The following GPR158 variants were observed in gnomAD, a reference collection of about 807,000 sequenced individuals.
GPR158 encodes the protein metabotropic glycine receptor.
Under a neutral mutation model 78.2 loss-of-function variants are expected in GPR158, and 30 were observed. That is an observed-to-expected ratio of 0.38 (90% CI 0.29 to 0.52). The LOEUF (loss-of-function observed/expected upper bound fraction) is 0.52. GPR158 is among the 20% of genes least tolerant of loss of function. GPR158 has a pLI of 0.83. For synonymous variants in GPR158, 581 were observed against 591.1 expected (o/e 0.98, Z 0.25); for missense variants, 1,463 against 1,523.5 (o/e 0.96, Z 0.66).
intron 2 of GPR158, among the ~76,000 whole-genome samples, chr10:25,288,465 A>C (rs934801114): frequency 2.6e-5 from 4 of 152,200 alleles, no homozygotes; most frequent in Non-Finnish European, 5.9e-5. Context: ...ATTTTTGTTT[A>C]ATCACAGCAT....
At chr10:25,353,673 A>G (rs1429531161) in intron 2 of GPR158, among the ~76,000 whole-genome samples, 2 of 152,102 alleles carry the variant, frequency 1.3e-5, no homozygotes, top group Non-Finnish European at 2.9e-5. Flanking sequence ...ACAGTGATTT[A>G]CCAGTGTTCA....
In GPR158 at chr10:25,519,569, G is replaced by T. The variant is rs1398810037; in HGVS notation, c.1405-31407G>T. On this transcript the variant is annotated intron_variant, in intron 5 of 10. Transcript: ENST00000376351. ...CAGGAGCTCTTTTAGGGCAGGCCTG[G>T]TGGTGACAAAATCTCTCAGCATTTG... Among the ~76,000 whole-genome samples the T allele has an allele frequency of 3.5e-5, 5 of 142,172 alleles. 1 individual carries two copies. The highest frequency in any genetic ancestry group is 1.5e-4 in the African/African-American group (5 of 33,566). The allele number at this position is 142,172 out of a possible 152,430, so 93.3% of individuals were successfully genotyped here.
intron 3 of GPR158, among the ~76,000 whole-genome samples, chr10:25,401,002 T>C (rs1224169123): frequency 6.6e-6 from 1 of 152,164 alleles, no homozygotes; most frequent in Non-Finnish European, 1.5e-5. Flanking sequence ...CAGTACAGTT[T>C]AGGGATTCTG....
intron 2 of GPR158, among the ~76,000 whole-genome samples, chr10:25,233,984 T>C (rs1194852631): frequency 6.6e-6 from 1 of 152,252 alleles, no homozygotes; most frequent in East Asian, 1.9e-4. Flanking sequence ...GTTTTATTGA[T>C]TTTAAATGAA....
intron 2 of GPR158, among the ~76,000 whole-genome samples, chr10:25,280,520 A>C (rs527683462): frequency 6.6e-6 from 1 of 152,344 alleles, no homozygotes; most frequent in South Asian, 2.1e-4. Flanking sequence ...TTACCACAAA[A>C]GCAGAAGCTA....
intron 2 of GPR158, among the ~76,000 whole-genome samples, chr10:25,239,381 T>A (rs1172353238): frequency 6.6e-6 from 1 of 151,770 alleles, no homozygotes; most frequent in Non-Finnish European, 1.5e-5. Context: ...CAGGCAGATC[T>A]CCTGAGAGAT....
chr10:25,409,353 TCTAA>T (rs2130545541), intron 3 of GPR158, among the ~76,000 whole-genome samples: 2 of 152,332 alleles, frequency 1.3e-5, no homozygotes, highest in Non-Finnish European at 2.9e-5. Flanking sequence ...ACTGTCGTAC[TCTAA>T]CTGGATTATT....
chr10:25,342,819 C>CT (rs1855321020), intron 2 of GPR158, among the ~76,000 whole-genome samples: 1 of 149,808 alleles, frequency 6.7e-6, no homozygotes, highest in African/African-American at 2.5e-5. Context: ...CTGTCCCAGG[C>CT]TCATGATTTT....
At chr10:25,430,027 A>T (rs1288789949) in intron 4 of GPR158, among the ~76,000 whole-genome samples, 1 of 143,738 alleles carries the variant, frequency 7.0e-6, no homozygotes, top group Non-Finnish European at 1.5e-5. Flanking sequence ...CAGGCAGGAG[A>T]AGGAAATAAA....
At position 25,305,019 on chromosome 10, in the gene GPR158, A is replaced by G. The variant is rs575058436; in HGVS notation, c.1008+83862A>G. 1.8e-3 allele frequency among the ~76,000 whole-genome samples: 267 copies of G among 152,306 alleles called. 1 individual carries two copies. Among genetic ancestry groups the G allele is most frequent in the African/African-American group, 6.2e-3 (256 of 41,568 alleles). On this transcript the variant is annotated intron_variant, in intron 2 of 10. Transcript: ENST00000376351. ...CTCTTCAAAGATCTTCTAGGGCTCT[A>G]CCTGTTCAGATACTCCCACACCCTT...
chr10:25,409,341 A>C (rs1172663642), intron 3 of GPR158, among the ~76,000 whole-genome samples: 1 of 152,200 alleles, frequency 6.6e-6, no homozygotes, highest in African/African-American at 2.4e-5. Flanking sequence ...TTAGTAATGC[A>C]TACTGTCGTA....
intron 2 of GPR158, among the ~76,000 whole-genome samples, chr10:25,252,467 G>C (rs1437636742): frequency 1.3e-5 from 2 of 151,772 alleles, no homozygotes. Flanking sequence ...GGTCTTTGAT[G>C]ATGGTGATGT....
chr10:25,282,891 A>G (rs566698008), intron 2 of GPR158, among the ~76,000 whole-genome samples: 1 of 152,182 alleles, frequency 6.6e-6, no homozygotes, highest in African/African-American at 2.4e-5. Context: ...ATATCTGATT[A>G]TATATTGCTC....
chr10:25,521,064 G>T (rs974662721), intron 5 of GPR158, among the ~76,000 whole-genome samples: 8 of 152,198 alleles, frequency 5.3e-5, no homozygotes, highest in African/African-American at 1.9e-4. Context: ...ATATAGTCTC[G>T]TGGTGCGCCA....
At chr10:25,292,651 TTTAAAGA>T (rs1284509014) in intron 2 of GPR158, among the ~76,000 whole-genome samples, 1 of 152,138 alleles carries the variant, frequency 6.6e-6, no homozygotes, top group Non-Finnish European at 1.5e-5. Context: ...AAATGAGGTC[TTTAAAGA>T]TTAAAGATTT....
Position 25,551,034 on chromosome 10 carries a change from G to T in GPR158, c.1463G>T (p.Arg488Leu). 1 of 1,610,850 alleles carries T rather than the reference G, an allele frequency of 6.2e-7. No homozygotes were observed. The highest frequency in any genetic ancestry group is 8.5e-7 in the Non-Finnish European group (1 of 1,177,262). ...CGCTGTATTCTCCTAAGATGGGCTCGTCTTCTCGGTTTTGCTACTGTTTAC... is the reference window on the plus strand; with the variant it reads ...CGCTGTATTCTCCTAAGATGGGCTCTTCTTCTCGGTTTTGCTACTGTTTAC... Reference protein sequence around the residue: ...TFRCILLRWARLLGFATVYGT... With the variant: ...TFRCILLRWALLLGFATVYGT... Residue 488 changes from arginine to leucine, a missense_variant, in exon 6 of 11, where the codon CGT (arginine) becomes CTT (leucine). Arg to Leu is a moderately radical substitution (Grantham distance 102). Coordinates refer to ENST00000376351, the MANE Select transcript of GPR158 (RefSeq NM_020752.3).
At chr10:25,463,391 TTGTC>T (rs1214181927) in intron 4 of GPR158, among the ~76,000 whole-genome samples, 24 of 139,154 alleles carry the variant, frequency 1.7e-4, no homozygotes, top group Admixed American at 4.5e-4. Flanking sequence ...TTTCTGAGGT[TTGTC>T]TGGATGGATG....
chr10:25,373,001 T>C (rs1453514520), intron 2 of GPR158, among the ~76,000 whole-genome samples: 2 of 151,906 alleles, frequency 1.3e-5, no homozygotes, highest in Admixed American at 1.3e-4. Context: ...CATGCATGCC[T>C]ATGTTCATTG....
At chr10:25,448,971 A>G (rs902126846) in intron 4 of GPR158, among the ~76,000 whole-genome samples, 1 of 152,198 alleles carries the variant, frequency 6.6e-6, no homozygotes, top group Admixed American at 6.5e-5. Flanking sequence ...GGTGTTTAAA[A>G]TATTTAATAT....
Sources: allele counts gnomAD v4.1 joint callset (sites outside exome capture counted in the v4.1 genomes callset), GRCh38; gene constraint gnomAD v4.1.1; transcripts MANE v1.5; gene names NCBI Gene and HGNC (gene_info 2026-07-23, HGNC 2026-07-21).